The following NMNAT2 variants were observed in gnomAD, a reference collection of about 807,000 sequenced individuals.
The protein encoded by NMNAT2 is nicotinamide/nicotinic acid mononucleotide adenylyltransferase 2.
NMNAT2 carries 11 observed loss-of-function variants against 41.6 expected under a neutral mutation model. That is an observed-to-expected ratio of 0.26 (90% CI 0.17 to 0.44). The LOEUF is 0.44. Ranked by LOEUF, NMNAT2 falls within the 20% of genes least tolerant of loss-of-function variation. The pLI, the probability that NMNAT2 is intolerant of heterozygous loss-of-function variation, is 1.00. For missense variants in NMNAT2, 288 were observed against 407.7 expected (o/e 0.71, Z 2.53); for synonymous variants, 148 against 151.2 (o/e 0.98, Z 0.16).
At chr1:183,327,672 GC>G (rs1662498698) in intron 1 of NMNAT2, among the ~76,000 whole-genome samples, 1 of 152,240 alleles carries the variant, frequency 6.6e-6, no homozygotes, top group Non-Finnish European at 1.5e-5. Context: ...TTATTCGCCA[GC>G]ACTGAGTTCT....
rs868072258 is a variant in NMNAT2, at chr1:183,274,346, C to G, written c.651+4207G>C. 2.1e-4 allele frequency among the ~76,000 whole-genome samples: 32 copies of G among 151,696 alleles called. No individual in the cohort carries two copies. The Middle Eastern group carries it at 0.01, about 49-fold the overall frequency. On this transcript the variant is annotated intron_variant, in intron 8 of 10. Coordinates refer to ENST00000287713, the MANE Select transcript of NMNAT2 (RefSeq NM_015039.4). The stretch of plus-strand genomic sequence containing the variant: ...TTATTTATTTAGACAGAATCTTGCT[C>G]TGTCACCCAGGCTGGAGTGCAATGG...
chr1:183,310,901 T>C (rs534552845), intron 1 of NMNAT2, among the ~76,000 whole-genome samples: 74 of 151,188 alleles, frequency 4.9e-4, no homozygotes, highest in African/African-American at 1.7e-3. Flanking sequence ...TTTCCACCCC[T>C]TTTAGCACAA....
chr1:183,298,844 C>T (rs1661773163), intron 1 of NMNAT2, among the ~76,000 whole-genome samples: 1 of 152,012 alleles, frequency 6.6e-6, no homozygotes, highest in African/African-American at 2.4e-5. Context: ...CTAATTCTCC[C>T]CAAAATGATA....
chr1:183,293,265 C>T (rs970397370), intron 2 of NMNAT2, among the ~76,000 whole-genome samples: 6 of 152,136 alleles, frequency 3.9e-5, no homozygotes, highest in East Asian at 1.9e-4. Context: ...CTAGATTTGC[C>T]GGGACACGTG....
intron 1 of NMNAT2, among the ~76,000 whole-genome samples, chr1:183,311,145 T>G (rs958818122): frequency 6.6e-6 from 1 of 152,142 alleles, no homozygotes; most frequent in Non-Finnish European, 1.5e-5. Context: ...CCCTTTGTTT[T>G]GACAAACCAA....
intron 1 of NMNAT2, among the ~76,000 whole-genome samples, chr1:183,301,430 G>T (rs529511642): frequency 6.6e-5 from 10 of 152,214 alleles, no homozygotes; most frequent in Non-Finnish European, 1.0e-4. Flanking sequence ...CTGTAGCTAT[G>T]GCCCTGGAAT....
chr1:183,277,955 C>T (rs10494561), intron 8 of NMNAT2, among the ~76,000 whole-genome samples: 14,650 of 152,112 alleles, frequency 0.096, 871 homozygotes, highest in East Asian at 0.2. Flanking sequence ...GGAATAAGAA[C>T]GAACGTATGT....
intron 1 of NMNAT2, among the ~76,000 whole-genome samples, chr1:183,399,277 T>C (rs1418174823): frequency 6.6e-6 from 1 of 152,134 alleles, no homozygotes; most frequent in Non-Finnish European, 1.5e-5. Flanking sequence ...GAGAATATTA[T>C]AAACACCTCT....
At chr1:183,323,179 G>A (rs559563730) in intron 1 of NMNAT2, among the ~76,000 whole-genome samples, 111 of 152,074 alleles carry the variant, frequency 7.3e-4, no homozygotes, top group Non-Finnish European at 1.2e-3. Flanking sequence ...TGATCCACCC[G>A]CCTCAGTCTC....
rs1255649882 is a variant in NMNAT2 at position 183,271,307 on chromosome 1, AAC to A, written c.651+7244_651+7245del. ...GGATCCACCTATTTCAACCAACCAG[AAC>A]CATCTCCCCAAAGGTCTTGTTCCCC... is the stretch of plus-strand genomic sequence containing the variant. On this transcript the variant is annotated intron_variant, in intron 8 of 10. Transcript: ENST00000287713. Among the ~76,000 whole-genome samples, 10 of 152,306 alleles carry A rather than the reference AAC, an allele frequency of 6.6e-5. No individual in the cohort carries two copies. The South Asian group carries it at 2.1e-3, about 32-fold the overall frequency.
chr1:183,255,652 ATTCCT>A (rs750284997), intron 10 of NMNAT2, among the ~76,000 whole-genome samples: 5,513 of 133,004 alleles, frequency 0.041, 355 homozygotes, highest in African/African-American at 0.14. Flanking sequence ...TGTTAAATTT[ATTCCT>A]AAGGGTTTTT....
At chr1:183,262,715 C>T (rs573870691) in intron 8 of NMNAT2, among the ~76,000 whole-genome samples, 1 of 152,148 alleles carries the variant, frequency 6.6e-6, no homozygotes, top group Non-Finnish European at 1.5e-5. Context: ...GACATATCAC[C>T]AAGTTGCTTT....
intron 1 of NMNAT2, among the ~76,000 whole-genome samples, chr1:183,312,860 C>A (rs1662155473): frequency 6.6e-6 from 1 of 152,226 alleles, no homozygotes; most frequent in Non-Finnish European, 1.5e-5. Flanking sequence ...TAAGTCCATG[C>A]ATGGACAGGT....
intron 1 of NMNAT2, among the ~76,000 whole-genome samples, chr1:183,392,884 C>T (rs553008855): frequency 1.3e-5 from 2 of 152,308 alleles, no homozygotes; most frequent in Admixed American, 1.3e-4. Flanking sequence ...GTCCTCTATC[C>T]ATTTTATTTC....
chr1:183,298,558 C>G (rs1661764989), intron 1 of NMNAT2, among the ~76,000 whole-genome samples: 1 of 152,118 alleles, frequency 6.6e-6, no homozygotes, highest in African/African-American at 2.4e-5. Flanking sequence ...ATGTAGAGAC[C>G]TATGCATTTT....
chr1:183,267,729 G>T (rs547897881), intron 8 of NMNAT2, among the ~76,000 whole-genome samples: 1 of 152,076 alleles, frequency 6.6e-6, no homozygotes, highest in Admixed American at 6.5e-5. Context: ...TTTTCTGCTC[G>T]AGGGGACCAG....
intron 1 of NMNAT2, among the ~76,000 whole-genome samples, chr1:183,406,314 G>A (rs958259532): frequency 6.6e-6 from 1 of 152,186 alleles, no homozygotes; most frequent in Non-Finnish European, 1.5e-5. Context: ...AAAGAGAAGG[G>A]TGCTGGGACA....
chr1:183,346,828 A>C (rs1455168970), intron 1 of NMNAT2, among the ~76,000 whole-genome samples: 4 of 152,148 alleles, frequency 2.6e-5, no homozygotes, highest in South Asian at 2.1e-4. Flanking sequence ...TTTAAATTAA[A>C]TTTGTGTAAT....
chr1:183,340,707 G>A (rs1346921417), intron 1 of NMNAT2, among the ~76,000 whole-genome samples: 1 of 152,054 alleles, frequency 6.6e-6, no homozygotes, highest in Non-Finnish European at 1.5e-5. Context: ...TATCTGCCTG[G>A]GTGCTGAGAG....
Sources: allele counts gnomAD v4.1 joint callset (sites outside exome capture counted in the v4.1 genomes callset), GRCh38; gene constraint gnomAD v4.1.1; transcripts MANE v1.5; gene names NCBI Gene and HGNC (gene_info 2026-07-23, HGNC 2026-07-21).